Variants in ANKRD30A observed in about 807,000 individuals in gnomAD.
ANKRD30A encodes the protein ankyrin repeat domain-containing protein 30A.
Under a neutral mutation model 166.3 loss-of-function variants are expected in ANKRD30A, and 170 were observed. The ratio of observed to expected loss-of-function variants is 1.02; its 90% CI spans 0.90 to 1.16. The LOEUF is 1.16. Among genes scored for constraint, ANKRD30A ranks in the 50% most tolerant of loss-of-function variants. The pLI is 0.00. For missense variants in ANKRD30A, 1,630 were observed against 1,518.0 expected, an observed-to-expected ratio of 1.07 and a Z score of -1.23; for synonymous variants, 564 against 508.9, an observed-to-expected ratio of 1.11 and a Z score of -1.46.
At chr10:37,151,089 GA>G (rs1217593267) in intron 11 of ANKRD30A, among the ~76,000 whole-genome samples, 3 of 147,648 alleles carry the variant, frequency 2.0e-5, no homozygotes, top group African/African-American at 5.0e-5. Context: ...ACTTACTTTT[GA>G]AAACCAGGTA....
At chr10:37,126,579 A>G (rs1362741150) in intron 1 of ANKRD30A, among the ~76,000 whole-genome samples, 6 of 152,150 alleles carry the variant, frequency 3.9e-5, no homozygotes, top group Non-Finnish European at 5.9e-5. Context: ...AAGAAGACTC[A>G]TTTTTCTCAG....
intron 25 of ANKRD30A, among the ~76,000 whole-genome samples, chr10:37,190,550 T>C (rs946968499): frequency 6.6e-6 from 1 of 151,714 alleles, no homozygotes; most frequent in Non-Finnish European, 1.5e-5. Context: ...ATGGGAAGAA[T>C]CAAGAGCAGA....
chr10:37,244,005 T>C, the ANKRD30A span, among the ~76,000 whole-genome samples: 1 of 152,128 alleles, frequency 6.6e-6, no homozygotes, highest in African/African-American at 2.4e-5. Context: ...TTGTATGGCA[T>C]CATTGTCAAC....
rs187268787 is a variant in ANKRD30A at position 37,190,335 on chromosome 10, G to C, written c.2512+778G>C. On this transcript the variant is annotated intron_variant, in intron 25 of 35. Transcript: ENST00000361713. ...TTGCAAGAGGAGAGGCCTTTTGTGG[G>C]AATAATGTGGAAGCAGAGCAACTGG... Among the ~76,000 whole-genome samples, 121 of 151,832 alleles carry C rather than the reference G, an allele frequency of 8.0e-4. 2 individuals carry two copies. The highest frequency in any genetic ancestry group is 2.6e-3 in the African/African-American group (107 of 41,268).
At chr10:37,259,293 G>A in the ANKRD30A span, among the ~76,000 whole-genome samples, 1 of 152,058 alleles carries the variant, frequency 6.6e-6, no homozygotes, top group African/African-American at 2.4e-5. Flanking sequence ...TTCATCAAAG[G>A]CATGCAACTT....
intron 34 of ANKRD30A, among the ~76,000 whole-genome samples, chr10:37,224,369 T>C (rs1588957053): frequency 6.6e-6 from 1 of 151,124 alleles, no homozygotes; most frequent in East Asian, 1.9e-4. Flanking sequence ...AGTTTTAAAA[T>C]ATATTATGGA....
intron 27 of ANKRD30A, among the ~76,000 whole-genome samples, chr10:37,196,573 TTAA>T (rs1841135168): frequency 1.3e-5 from 2 of 152,318 alleles, no homozygotes; most frequent in South Asian, 4.1e-4. Context: ...TTGTGGTGAC[TTAA>T]CAATTAAAAA....
At chr10:37,226,772 C>A (rs1258197111) in intron 34 of ANKRD30A, among the ~76,000 whole-genome samples, 1 of 151,742 alleles carries the variant, frequency 6.6e-6, no homozygotes, top group Non-Finnish European at 1.5e-5. Context: ...AATGCCAGTA[C>A]ATTTTCCAAA....
intron 5 of ANKRD30A, among the ~76,000 whole-genome samples, chr10:37,135,975 A>G (rs982144311): frequency 6.6e-6 from 1 of 152,176 alleles, no homozygotes; most frequent in African/African-American, 2.4e-5. Flanking sequence ...AATTTTTTGT[A>G]GAGACAGGGT....
intron 31 of ANKRD30A, among the ~76,000 whole-genome samples, chr10:37,207,337 C>T (rs1017005454): frequency 6.6e-6 from 1 of 152,080 alleles, no homozygotes; most frequent in African/African-American, 2.4e-5. Flanking sequence ...GTATCTTGTA[C>T]TTCAGAAACT....
intron 15 of ANKRD30A, among the ~76,000 whole-genome samples, chr10:37,158,834 T>G (rs1223690086): frequency 1.3e-5 from 2 of 152,184 alleles, no homozygotes; most frequent in Non-Finnish European, 2.9e-5. Flanking sequence ...GTGTAAAGTT[T>G]CCAGTTTGCA....
At chr10:37,202,390 G>C (rs1367882894) in intron 31 of ANKRD30A, among the ~76,000 whole-genome samples, 1 of 152,058 alleles carries the variant, frequency 6.6e-6, no homozygotes, top group African/African-American at 2.4e-5. Context: ...AATGACTACT[G>C]GGTACATAAC....
chr10:37,240,945 GAATA>G, the ANKRD30A span: 1 of 152,052 alleles, frequency 6.6e-6, no homozygotes, highest in African/African-American at 2.4e-5. Flanking sequence ...TTGAATAAAT[GAATA>G]AAGAATGAGA....
rs746065238 is a variant in ANKRD30A at position 37,158,428 on chromosome 10, CTT to C, written c.1827+11_1827+12del. The C allele has an allele frequency of 6.2e-7, 1 of 1,611,568 alleles. No homozygotes were observed. Among genetic ancestry groups the C allele is most frequent in the Admixed American group, 1.7e-5 (1 of 59,924 alleles). On this transcript the variant is annotated intron_variant, in intron 14 of 35. Coordinates refer to ENST00000361713, the MANE Select transcript of ANKRD30A (RefSeq NM_052997.3). The stretch of plus-strand genomic sequence containing the variant: ...AAAGATGGTCTTCTGAAGGTAATAA[CTT>C]TTATATTTTTGTCTTGAGTATCAAC...
At chr10:37,152,905 A>T (rs1287772345) in intron 12 of ANKRD30A, among the ~76,000 whole-genome samples, 1 of 152,124 alleles carries the variant, frequency 6.6e-6, no homozygotes, top group African/African-American at 2.4e-5. Context: ...CTGATATTTT[A>T]TTAGACAAAA....
chr10:37,158,356 G>A, intron 13 of ANKRD30A, 36 bp from the exon 14 acceptor site: 1 of 1,597,150 alleles, frequency 6.3e-7, no homozygotes, highest in Middle Eastern at 1.8e-4. Context: ...TGTCAGGCTT[G>A]CATATAATCA....
chr10:37,260,140 A>G, the ANKRD30A span, among the ~76,000 whole-genome samples: 1 of 151,758 alleles, frequency 6.6e-6, no homozygotes, highest in East Asian at 1.9e-4. Context: ...AAGGACAAAA[A>G]AAAAAGAGAG....
the ANKRD30A span, among the ~76,000 whole-genome samples, chr10:37,247,718 A>C: frequency 6.9e-6 from 1 of 144,126 alleles, no homozygotes; most frequent in Non-Finnish European, 1.5e-5. Flanking sequence ...AAAAATACAA[A>C]AAAAAAAAAA....
chr10:37,129,886 C>A lies in ANKRD30A; in HGVS notation c.222-7C>A. ...AACTTTGCCAAAAAGTCCTCTCACT[C>A]TCGTAGGACTGCTCTACACTGGGCC... On this transcript the variant is annotated splice_region_variant and splice_polypyrimidine_tract_variant and intron_variant, in intron 1 of 35. Transcript: ENST00000361713. The A allele has an allele frequency of 6.8e-7, 1 of 1,471,434 alleles. No homozygotes were observed. The highest frequency in any genetic ancestry group is 1.4e-5 in the African/African-American group (1 of 70,268). 91.1% of individuals were successfully genotyped at this position (1,471,434 alleles called of 1,614,324 possible).
Sources: allele counts gnomAD v4.1 joint callset (sites outside exome capture counted in the v4.1 genomes callset), GRCh38; gene constraint gnomAD v4.1.1; transcripts MANE v1.5; gene names NCBI Gene and HGNC (gene_info 2026-07-23, HGNC 2026-07-21).